NKAIN3: variants seen among roughly 807,000 people sequenced by gnomAD.
NKAIN3 encodes sodium/potassium transporting ATPase interacting 3.
Under a neutral mutation model 30.2 loss-of-function variants are expected in NKAIN3, and 25 were observed. The observed-to-expected ratio is 0.83, with a 90% CI of 0.60 to 1.16. The LOEUF is 1.16. Ranked by LOEUF, NKAIN3 falls within the 50% of genes most tolerant of loss-of-function variation. The pLI is 0.00. For synonymous variants in NKAIN3, 91 were observed against 89.6 expected, an observed-to-expected ratio of 1.02 and a Z score of -0.09; for missense variants, 225 against 254.1, an observed-to-expected ratio of 0.89 and a Z score of 0.78.
chr8:62,472,319 T>C (rs1397401546), intron 1 of NKAIN3, among the ~76,000 whole-genome samples: 1 of 151,870 alleles, frequency 6.6e-6, no homozygotes, highest in African/African-American at 2.4e-5. Context: ...TGAAGCTGAG[T>C]GGGGAAGCTG....
chr8:62,604,123 C>A (rs1811055639), intron 3 of NKAIN3, among the ~76,000 whole-genome samples: 1 of 152,040 alleles, frequency 6.6e-6, no homozygotes. Context: ...CATGTCCCAT[C>A]TGAGGACTAA....
chr8:62,420,772 T>G (rs1242860531), intron 1 of NKAIN3, among the ~76,000 whole-genome samples: 1 of 152,150 alleles, frequency 6.6e-6, no homozygotes, highest in Non-Finnish European at 1.5e-5. Context: ...AAATAAGAAT[T>G]AGATCATTTT....
chr8:62,280,096 T>C (rs1813123937), intron 1 of NKAIN3, among the ~76,000 whole-genome samples: 1 of 152,168 alleles, frequency 6.6e-6, no homozygotes, highest in Non-Finnish European at 1.5e-5. Flanking sequence ...TCACGTCCCT[T>C]GTAGGTTGGA....
chr8:62,797,485 G>A (rs1009964216), intron 4 of NKAIN3, among the ~76,000 whole-genome samples: 3 of 152,142 alleles, frequency 2.0e-5, no homozygotes, highest in African/African-American at 7.2e-5. Flanking sequence ...GATGCAAAAT[G>A]GAGTGCCCTT....
At chr8:62,853,862 T>C (rs569340869) in intron 4 of NKAIN3, among the ~76,000 whole-genome samples, 2 of 152,320 alleles carry the variant, frequency 1.3e-5, no homozygotes, top group Non-Finnish European at 2.9e-5. Context: ...CTCTTGACAC[T>C]GCTTTATCTA....
chr8:62,661,233 C>G (rs1812934000), intron 3 of NKAIN3, among the ~76,000 whole-genome samples: 1 of 152,074 alleles, frequency 6.6e-6, no homozygotes, highest in African/African-American at 2.4e-5. Context: ...CTCTTTCCAC[C>G]CTTCACAATC....
chr8:62,627,745 T>C (rs1343289426), intron 3 of NKAIN3, among the ~76,000 whole-genome samples: 1 of 152,106 alleles, frequency 6.6e-6, no homozygotes, highest in Non-Finnish European at 1.5e-5. Flanking sequence ...ATACACTTTT[T>C]GTCATCCTTA....
At chr8:62,505,339 A>G (rs1367139683) in intron 1 of NKAIN3, among the ~76,000 whole-genome samples, 1 of 152,166 alleles carries the variant, frequency 6.6e-6, no homozygotes, top group Admixed American at 6.6e-5. Flanking sequence ...ATTATGGGAA[A>G]ATGTTATATA....
At chr8:62,670,916 C>T (rs964289779) in intron 3 of NKAIN3, among the ~76,000 whole-genome samples, 1 of 150,136 alleles carries the variant, frequency 6.7e-6, no homozygotes, top group African/African-American at 2.5e-5. Context: ...CACACACACA[C>T]ACACGTATAC....
chr8:62,381,246 C>T (rs187072531), intron 1 of NKAIN3, among the ~76,000 whole-genome samples: 376 of 151,942 alleles, frequency 2.5e-3, no homozygotes, highest in Middle Eastern at 6.8e-3. Flanking sequence ...AAATTTTTAC[C>T]TGTTTTTTCT....
At chr8:62,870,240 C>CTATATCTATATATATA (rs1480426242) in intron 4 of NKAIN3, among the ~76,000 whole-genome samples, 1 of 114,382 alleles carries the variant, frequency 8.7e-6, no homozygotes, top group African/African-American at 3.9e-5. Flanking sequence ...ATATAGATAT[C>CTATATCTATATATATA]TATAGATATC....
intron 1 of NKAIN3, among the ~76,000 whole-genome samples, chr8:62,528,333 AT>A (rs1343858447): frequency 7.1e-4 from 20 of 28,028 alleles, no homozygotes; most frequent in South Asian, 5.6e-3. Context: ...TAATATATAT[AT>A]TATATAATAT....
At chr8:62,806,361 T>G (rs1368286393) in intron 4 of NKAIN3, among the ~76,000 whole-genome samples, 1 of 152,214 alleles carries the variant, frequency 6.6e-6, no homozygotes, top group Non-Finnish European at 1.5e-5. Flanking sequence ...ATACGTATGT[T>G]TATTGTGGCA....
At position 62,326,397 on chromosome 8, in the gene NKAIN3, C is replaced by T. The variant is rs377740757; in HGVS notation, c.54+77270C>T. Among the ~76,000 whole-genome samples the T allele has an allele frequency of 6.6e-5, 10 of 151,884 alleles. No homozygotes were observed. In the South Asian group the frequency reaches 1.2e-3, roughly 19 times the overall value. On this transcript the variant is annotated intron_variant, in intron 1 of 6. Coordinates refer to ENST00000623646, the MANE Select transcript of NKAIN3 (RefSeq NM_001304533.3). ...ACATTTGTTACTTATGATTTTGTTACATTTCTGGAAAAGTTTTTCCGATGT... is the reference window on the plus strand; with the variant it reads ...ACATTTGTTACTTATGATTTTGTTATATTTCTGGAAAAGTTTTTCCGATGT...
intron 4 of NKAIN3, among the ~76,000 whole-genome samples, chr8:62,752,398 C>T (rs1021649683): frequency 6.6e-6 from 1 of 152,174 alleles, no homozygotes; most frequent in Non-Finnish European, 1.5e-5. Context: ...TCTTTAATCC[C>T]ACACCAGACA....
chr8:62,539,595 G>GT (rs1283141411), intron 1 of NKAIN3, among the ~76,000 whole-genome samples: 1 of 152,096 alleles, frequency 6.6e-6, no homozygotes. Flanking sequence ...TTGTTTGTTT[G>GT]TTTGTTTTGT....
intron 3 of NKAIN3, among the ~76,000 whole-genome samples, chr8:62,592,577 G>A (rs759307202): frequency 3.3e-5 from 5 of 151,836 alleles, no homozygotes; most frequent in South Asian, 2.1e-4. Flanking sequence ...AACAAATAAC[G>A]ATATGGTAGA....
At chr8:62,513,670 T>C (rs1443301842) in intron 1 of NKAIN3, among the ~76,000 whole-genome samples, 1 of 151,488 alleles carries the variant, frequency 6.6e-6, no homozygotes, top group Non-Finnish European at 1.5e-5. Context: ...GAGTTTGAGA[T>C]TAGCCTGGAG....
rs1720459881 is a variant in NKAIN3 at position 62,663,333 on chromosome 8, C to A, written c.273+73539C>A. On this transcript the variant is annotated intron_variant, in intron 3 of 6. Coordinates refer to ENST00000623646, the MANE Select transcript of NKAIN3 (RefSeq NM_001304533.3). ...AAGCAGGAAAGATACTTACTTGTCT[C>A]TATTACTCTATTGTAGTAATTCAGG... 2.0e-5 allele frequency among the ~76,000 whole-genome samples: 3 copies of A among 152,266 alleles called. No homozygotes were observed. In the South Asian group the frequency reaches 6.2e-4, roughly 32 times the overall value.
Sources: gnomAD v4.1 joint callset for allele counts (sites outside exome capture counted in the v4.1 genomes callset) on GRCh38, gnomAD v4.1.1 for gene constraint, MANE v1.5 for transcripts, NCBI Gene and HGNC (gene_info 2026-07-23, HGNC 2026-07-21) for gene names.